The following CHN2 variants were observed in gnomAD, a reference collection of about 807,000 sequenced individuals.
CHN2 encodes the protein chimerin 2.
Under a neutral mutation model 56.3 loss-of-function variants are expected in CHN2, and 35 were observed. The ratio of observed to expected loss-of-function variants is 0.62; its 90% CI spans 0.47 to 0.82. The LOEUF (loss-of-function observed/expected upper bound fraction) is 0.82. Ranked by LOEUF, CHN2 falls within the 40% of genes least tolerant of loss-of-function variation. The probability of loss-of-function intolerance (pLI) is 0.00; values close to 1 mark genes in which losing one functional copy is unlikely to be tolerated. For missense variants in CHN2, 491 were observed against 580.5 expected (o/e 0.85, Z 1.58); for synonymous variants, 210 against 212.8 (o/e 0.99, Z 0.12).
chr7:29,211,059 G>T (rs1018360593), intron 1 of CHN2, among the ~76,000 whole-genome samples: 20 of 147,102 alleles, frequency 1.4e-4, no homozygotes, highest in Admixed American at 3.3e-4. Context: ...TAGGTGTTTT[G>T]TTTTTTTTTT....
chr7:29,468,887 C>A (rs72596066), intron 6 of CHN2, among the ~76,000 whole-genome samples: 1 of 152,040 alleles, frequency 6.6e-6, no homozygotes, highest in Non-Finnish European at 1.5e-5. Flanking sequence ...GTCCTGGGGT[C>A]TCTGCTCTTC....
chr7:29,189,356 A>G (rs1040451893), intron 2 of CHN2, among the ~76,000 whole-genome samples: 2 of 152,164 alleles, frequency 1.3e-5, no homozygotes, highest in African/African-American at 4.8e-5. Context: ...GAATAAATGA[A>G]CAGGTAGTAG....
intron 1 of CHN2, among the ~76,000 whole-genome samples, chr7:29,274,932 G>T (rs1169867469): frequency 6.6e-6 from 1 of 152,208 alleles, no homozygotes; most frequent in Non-Finnish European, 1.5e-5. Context: ...AGAGGAAAGG[G>T]TGTGGGAGGA....
intron 1 of CHN2, among the ~76,000 whole-genome samples, chr7:29,309,359 T>C (rs1439040015): frequency 1.3e-5 from 2 of 152,126 alleles, no homozygotes; most frequent in African/African-American, 4.8e-5. Context: ...TCTGAGAAAG[T>C]GTAGACCCTT....
chr7:29,462,537 G>T (rs575456703), intron 6 of CHN2, among the ~76,000 whole-genome samples: 1 of 152,116 alleles, frequency 6.6e-6, no homozygotes, highest in Admixed American at 6.5e-5. Flanking sequence ...ACCTGAGCTG[G>T]GAAGACTCTC....
intron 6 of CHN2, chr7:29,401,431 T>A (rs529702843): frequency 6.6e-6 from 1 of 152,540 alleles, no homozygotes; most frequent in African/African-American, 2.4e-5. Flanking sequence ...CCTCCATTAA[T>A]GTATTATGAT....
chr7:29,381,809 C>CAAAAAAAAA lies in CHN2; in HGVS notation c.145-11851_145-11843dup, dbSNP rs60652952. ...AAAAGTCTATTCTCACTAAACTAAG[C>CAAAAAAAAA]AAAAAAAAAAAAAAAAAAAAAAAAA... On this transcript the variant is annotated intron_variant, in intron 3 of 12. Coordinates refer to ENST00000222792, the MANE Select transcript of CHN2 (RefSeq NM_004067.4). Among the ~76,000 whole-genome samples, 32 of 39,514 alleles carry CAAAAAAAAA rather than the reference C, an allele frequency of 8.1e-4. 2 individuals carry two copies. The East Asian group carries it at 8.3e-3, about 10-fold the overall frequency. 25.9% of individuals were successfully genotyped at this position (39,514 alleles called of 152,430 possible). A position where few individuals can be genotyped will look rare whatever the true frequency, so the allele number is the denominator to read the frequency against.
At chr7:29,506,173 T>C (rs570492770) in intron 10 of CHN2, among the ~76,000 whole-genome samples, 15 of 152,286 alleles carry the variant, frequency 9.8e-5, no homozygotes, top group East Asian at 1.9e-4. Flanking sequence ...GTAAGAAATA[T>C]AGGCCAGGCA....
rs55722880 is a variant in CHN2, at chr7:29,273,343, GTATATA to G, written c.49+78394_49+78399del. ...CCATCATGCATATATATATATATGT[GTATATA>G]TATATATATATATATATATATATAT... is the stretch of plus-strand genomic sequence containing the variant. On this transcript the variant is annotated intron_variant, in intron 1 of 12. Transcript: ENST00000222792. Among the ~76,000 whole-genome samples the G allele has an allele frequency of 7.6e-3, 444 of 58,088 alleles. 7 individuals carry two copies. Among genetic ancestry groups the G allele is most frequent in the South Asian group, 0.013 (25 of 1,872 alleles). The allele number at this position is 58,088 out of a possible 152,430, so 38.1% of individuals were successfully genotyped here. A position where few individuals can be genotyped will look rare whatever the true frequency, so the allele number is the denominator to read the frequency against.
intron 1 of CHN2, among the ~76,000 whole-genome samples, chr7:29,195,629 A>AGAGAGAGAGAGAGAGAGAGAGAGTGTGT (rs869037854): frequency 5.4e-4 from 64 of 117,522 alleles, no homozygotes; most frequent in East Asian, 4.2e-3. Flanking sequence ...AGAGAGAGAG[A>AGAGAGAGAGAGAGAGAGAGAGAGTGTGT]GTGTGTGTGT....
At chr7:29,357,285 A>T (rs1467099933) in intron 2 of CHN2, among the ~76,000 whole-genome samples, 1 of 152,184 alleles carries the variant, frequency 6.6e-6, no homozygotes, top group Non-Finnish European at 1.5e-5. Context: ...ATTTGAGAGC[A>T]TCTAGTGATG....
At chr7:29,165,610 A>G (rs1282526524) in intron 2 of CHN2, among the ~76,000 whole-genome samples, 1 of 152,240 alleles carries the variant, frequency 6.6e-6, no homozygotes, top group Non-Finnish European at 1.5e-5. Flanking sequence ...AAGTGATAGA[A>G]TGGATATACT....
At chr7:29,198,203 A>G (rs150922559) in intron 1 of CHN2, among the ~76,000 whole-genome samples, 161 of 152,358 alleles carry the variant, frequency 1.1e-3, no homozygotes, top group African/African-American at 3.8e-3. Context: ...ATTCTGTAGC[A>G]TCCAGCATAG....
chr7:29,165,038 T>A (rs1713665525), intron 2 of CHN2, among the ~76,000 whole-genome samples: 1 of 152,112 alleles, frequency 6.6e-6, no homozygotes, highest in African/African-American at 2.4e-5. Context: ...CTATTCTACA[T>A]CTTTTGAACT....
chr7:29,390,259 G>A (rs1222221950), intron 3 of CHN2, among the ~76,000 whole-genome samples: 2 of 152,072 alleles, frequency 1.3e-5, no homozygotes, highest in African/African-American at 2.4e-5. Context: ...CTAGTAATCC[G>A]TGTAACACGA....
chr7:29,150,050 C>T (rs750454886), intron 2 of CHN2, among the ~76,000 whole-genome samples: 2 of 152,148 alleles, frequency 1.3e-5, no homozygotes, highest in Non-Finnish European at 2.9e-5. Flanking sequence ...CAAAGAGATT[C>T]GTTAAGCCTT....
At chr7:29,224,003 C>A (rs894285369) in intron 1 of CHN2, among the ~76,000 whole-genome samples, 1 of 152,096 alleles carries the variant, frequency 6.6e-6, no homozygotes, top group Admixed American at 6.6e-5. Context: ...AAATTCAAAT[C>A]TTTTCTATTT....
At chr7:29,361,816 C>A (rs1208563554) in intron 2 of CHN2, among the ~76,000 whole-genome samples, 1 of 152,168 alleles carries the variant, frequency 6.6e-6, no homozygotes, top group African/African-American at 2.4e-5. Flanking sequence ...CTTTGTAAAC[C>A]AGTCTTGTTG....
intron 1 of CHN2, among the ~76,000 whole-genome samples, chr7:29,222,754 A>G (rs577701349): frequency 6.6e-6 from 1 of 152,302 alleles, no homozygotes; most frequent in South Asian, 2.1e-4. Context: ...CTGGTTCAAA[A>G]ATTTAAGTGG....
Sources: allele counts gnomAD v4.1 joint callset (sites outside exome capture counted in the v4.1 genomes callset), GRCh38; gene constraint gnomAD v4.1.1; transcripts MANE v1.5; gene names NCBI Gene and HGNC (gene_info 2026-07-23, HGNC 2026-07-21).